MRO: variants seen among roughly 807,000 people sequenced by gnomAD.
MRO encodes protein maestro.
MRO carries 28 observed loss-of-function variants against 31.0 expected under a neutral mutation model. The ratio of observed to expected loss-of-function variants is 0.90; its 90% CI spans 0.67 to 1.24. The LOEUF is 1.24. Ranked by LOEUF, MRO falls within the 50% of genes most tolerant of loss-of-function variation. The pLI is 0.00. For synonymous variants in MRO, 108 were observed against 108.4 expected, an observed-to-expected ratio of 1.00 and a Z score of 0.02; for missense variants, 332 against 289.2, an observed-to-expected ratio of 1.15 and a Z score of -1.07.
Position 50,798,187 on chromosome 18 carries a change from T to C in MRO, c.*1150A>G, listed in dbSNP as rs1912949425. 1 of 152,076 alleles carries C rather than the reference T, an allele frequency of 6.6e-6. No individual in the cohort carries two copies. The allele number at this position is 152,076 out of a possible 1,614,324, so 9.4% of individuals were successfully genotyped here. ...AGGGAGGGTGAGAGGGACTTAGAGA[T>C]TTTTCTTGTAATTTTTACGAGTGAT... On this transcript the variant is annotated 3_prime_UTR_variant, in exon 8 of 8. Coordinates refer to ENST00000398439, the MANE Select transcript of MRO (RefSeq NM_031939.6).
At chr18:50,800,927 GAAGGA>G (rs1913252499) in intron 6 of MRO, among the ~76,000 whole-genome samples, 2 of 151,096 alleles carry the variant, frequency 1.3e-5, no homozygotes, top group South Asian at 4.2e-4. Context: ...AGAAAGGAAG[GAAGGA>G]AAGAAGGAAG....
chr18:50,809,419 A>C lies in MRO; in HGVS notation c.-4-15T>G, dbSNP rs772490329. The C allele has an allele frequency of 1.4e-5, 22 of 1,560,716 alleles. No homozygotes were observed. In the East Asian group the frequency reaches 4.9e-4, roughly 35 times the overall value. On this transcript the variant is annotated splice_polypyrimidine_tract_variant and intron_variant, in intron 2 of 7. Transcript: ENST00000398439. ...GGTCCATGGAACTAAAAACAAAACA[A>C]AACAAAATCACATGCGCCACAGACA...
rs1172829565 is a variant in MRO at position 50,805,172 on chromosome 18, G to A, written c.411C>T (p.Thr137=). Residue 137 remains threonine (T), a synonymous_variant, in exon 5 of 8, where the codon ACC becomes ACT. Coordinates refer to ENST00000398439, the MANE Select transcript of MRO (RefSeq NM_031939.6). ...TACTTACGTCATCTAATAAAGTCCT[G>A]GTCTGAAGGGTGATATCTATGAAGA... ...GSFFIDITLQ[T]RTLLDDENDS... 6.2e-7 allele frequency: 1 copy of A among 1,612,626 alleles called. No homozygotes were observed.
chr18:50,819,087 T>G (rs781209241), intron 2 of MRO, among the ~76,000 whole-genome samples: 1 of 151,262 alleles, frequency 6.6e-6, no homozygotes, highest in Non-Finnish European at 1.5e-5. Context: ...ATTAAAAAAA[T>G]CGTCTTCATT....
rs1186799994 is a variant in MRO at position 50,806,326 on chromosome 18, A to G, written c.246+378T>C. ...TGCCTGCTGTGACAGAGTGGCCTGT[A>G]GGCATCGAAAGTGGCCCCCGGCATA... On this transcript the variant is annotated intron_variant, in intron 4 of 7. Coordinates refer to ENST00000398439, the MANE Select transcript of MRO (RefSeq NM_031939.6). Among the ~76,000 whole-genome samples, 4 of 152,266 alleles carry G rather than the reference A, an allele frequency of 2.6e-5. No homozygotes were observed. In the East Asian group the frequency reaches 7.7e-4, roughly 29 times the overall value.
chr18:50,803,518 A>T (rs2849260), intron 5 of MRO, among the ~76,000 whole-genome samples: 71,406 of 151,564 alleles, frequency 0.47, 16,844 homozygotes, highest in South Asian at 0.56. Context: ...AAAAAAAAAA[A>T]AAAAGTGGTT....
intron 2 of MRO, chr18:50,819,312 T>G (rs8086851): frequency 0.14 from 70,099 of 499,160 alleles, 4,973 homozygotes; most frequent in Non-Finnish European, 0.14. Flanking sequence ...CCTGAGTCCC[T>G]GCCATTCTAT....
Position 50,819,910 on chromosome 18 carries a change from C to A in MRO, c.-140G>T. The stretch of plus-strand genomic sequence containing the variant: ...ATGACTTGCTACCTTTGCTTCCCCA[C>A]GCCATGCTGAGGTGTTTTTCCTTCT... On this transcript the variant is annotated 5_prime_UTR_variant, in exon 1 of 8. Transcript: ENST00000398439. 6.4e-7 allele frequency: 1 copy of A among 1,551,636 alleles called. No individual in the cohort carries two copies. The highest frequency in any genetic ancestry group is 8.7e-7 in the Non-Finnish European group (1 of 1,146,886).
At chr18:50,808,123 CTAAG>C (rs952531884) in intron 3 of MRO, among the ~76,000 whole-genome samples, 6 of 152,078 alleles carry the variant, frequency 3.9e-5, no homozygotes, top group Non-Finnish European at 8.8e-5. Flanking sequence ...ACACCAAACT[CTAAG>C]TAATTGCAGG....
At chr18:50,809,123 C>G (rs59086720) in intron 3 of MRO, among the ~76,000 whole-genome samples, 179 bp downstream of exon 3, 1 of 131,806 alleles carries the variant, frequency 7.6e-6, no homozygotes, top group Non-Finnish European at 1.6e-5. Context: ...CCAGCCTGGG[C>G]GACAGAGCGA....
chr18:50,812,699 G>T (rs1448606438), intron 2 of MRO, among the ~76,000 whole-genome samples: 2 of 152,104 alleles, frequency 1.3e-5, no homozygotes, highest in Non-Finnish European at 2.9e-5. Context: ...ATAATACATG[G>T]TAGGGGTTCA....
In MRO at chr18:50,814,148, A is replaced by G. The variant is rs1248046940; in HGVS notation, c.-4-4744T>C. 2.0e-5 allele frequency among the ~76,000 whole-genome samples: 3 copies of G among 152,212 alleles called. No homozygotes were observed. The East Asian group carries it at 5.8e-4, about 29-fold the overall frequency. On this transcript the variant is annotated intron_variant, in intron 2 of 7. Coordinates refer to ENST00000398439, the MANE Select transcript of MRO (RefSeq NM_031939.6). ...CCGACAGGTGCCTGACAATGGGTACAGGGAGACTAAAAGACGTAAAACTCC... is the reference window on the plus strand; with the variant it reads ...CCGACAGGTGCCTGACAATGGGTACGGGGAGACTAAAAGACGTAAAACTCC...
At chr18:50,815,035 G>C (rs1341724193) in intron 2 of MRO, 2 of 163,574 alleles carry the variant, frequency 1.2e-5, no homozygotes, top group African/African-American at 4.8e-5. Flanking sequence ...TTCTCCAGCT[G>C]GGTGATAGAG....
rs375056668 is a variant in MRO, at chr18:50,809,283, A to G, written c.99+19T>C. ...AGCTGCTGGGAGGAGAAATTTGTTC[A>G]TAATATTTTGTGTCAGACCTTGGAA... On this transcript the variant is annotated intron_variant, in intron 3 of 7. Transcript: ENST00000398439. 1.2e-4 allele frequency: 184 copies of G among 1,594,062 alleles called. 1 individual carries two copies. The highest frequency in any genetic ancestry group is 1.5e-4 in the Non-Finnish European group (177 of 1,163,476).
At chr18:50,818,458 C>T (rs535623589) in intron 2 of MRO, among the ~76,000 whole-genome samples, 99 of 152,282 alleles carry the variant, frequency 6.5e-4, no homozygotes, top group South Asian at 1.4e-3. Flanking sequence ...CCCAAGACCC[C>T]GGCTGGGGCT....
chr18:50,806,599 T>C (rs1913960106), intron 4 of MRO, 105 bp downstream of exon 4: 2 of 1,356,254 alleles, frequency 1.5e-6, no homozygotes, highest in Non-Finnish European at 2.0e-6. Flanking sequence ...TCCGGGGTGA[T>C]AGATAACTAA....
In MRO at chr18:50,801,331, G is replaced by T. The variant is rs765839366; in HGVS notation, c.585+18C>A. 5 of 1,542,090 alleles carry T rather than the reference G, an allele frequency of 3.2e-6. No individual in the cohort carries two copies. Among genetic ancestry groups the T allele is most frequent in the South Asian group, 2.5e-5 (2 of 80,788 alleles). On this transcript the variant is annotated intron_variant, in intron 6 of 7. Coordinates refer to ENST00000398439, the MANE Select transcript of MRO (RefSeq NM_031939.6). ...GCATGGAGATGTCACTCTGTTGGTT[G>T]CAGAGTCAAGGTCTTACCTTGGCAA...
chr18:50,811,651 T>C (rs566721549), intron 2 of MRO, among the ~76,000 whole-genome samples: 91 of 152,258 alleles, frequency 6.0e-4, no homozygotes, highest in African/African-American at 2.1e-3. Context: ...TTTTGAATAA[T>C]GCTACTATGA....
rs1334072810 is a variant in MRO at position 50,806,558 on chromosome 18, G to C, written c.246+146C>G. ...AAACCCGAGATAATCAACACGTGTT[G>C]CTGTAAGCTGCTAAGTGTGCGGTGG... On this transcript the variant is annotated intron_variant, in intron 4 of 7. Transcript: ENST00000398439. The C allele has an allele frequency of 2.0e-5, 19 of 960,098 alleles. No homozygotes were observed. The Admixed American group carries it at 4.3e-4, about 22-fold the overall frequency. The allele number at this position is 960,098 out of a possible 1,614,324, so 59.5% of individuals were successfully genotyped here.
Sources: gnomAD v4.1 joint callset for allele counts (sites outside exome capture counted in the v4.1 genomes callset) on GRCh38, gnomAD v4.1.1 for gene constraint, MANE v1.5 for transcripts, NCBI Gene and HGNC (gene_info 2026-07-23, HGNC 2026-07-21) for gene names.